KDR: variants seen among roughly 807,000 people sequenced by gnomAD.
The protein encoded by KDR is kinase insert domain receptor.
A neutral mutation model predicts 160.9 loss-of-function variants in KDR; 43 were observed. The observed-to-expected ratio is 0.27, with a 90% CI of 0.21 to 0.34. The LOEUF is 0.34. Ranked by LOEUF, KDR falls within the 10% of genes least tolerant of loss-of-function variation. KDR has a pLI of 1.00. For synonymous variants in KDR, 617 were observed against 600.1 expected, an observed-to-expected ratio of 1.03 and a Z score of -0.41; for missense variants, 1,469 against 1,666.4, an observed-to-expected ratio of 0.88 and a Z score of 2.06.
Position 55,117,413 on chromosome 4 carries a change from C to A in KDR, c.358+1191G>T, listed in dbSNP as rs973328843. On this transcript the variant is annotated intron_variant, in intron 3 of 29. Coordinates refer to ENST00000263923, the MANE Select transcript of KDR (RefSeq NM_002253.4). The stretch of plus-strand genomic sequence containing the variant: ...GCCAGGTCAAAAGGAGCCAGAAATT[C>A]TCCAAGATGTGAGCCTTGTCTCTTT... 6.6e-5 allele frequency among the ~76,000 whole-genome samples: 10 copies of A among 152,192 alleles called. No homozygotes were observed. In the East Asian group the frequency reaches 1.9e-3, roughly 29 times the overall value.
chr4:55,121,284 A>T lies in KDR; in HGVS notation c.68-94T>A. 4.8e-6 allele frequency: 4 copies of T among 831,484 alleles called. No individual in the cohort carries two copies. In the South Asian group the frequency reaches 5.6e-5, roughly 12 times the overall value. 51.5% of individuals were successfully genotyped at this position (831,484 alleles called of 1,614,324 possible). ...AACAATGCATACTCTATACTTTAAA[A>T]GGCCTCTTCAGCAATTCATTGTATA... On this transcript the variant is annotated intron_variant, in intron 1 of 29. Transcript: ENST00000263923.
chr4:55,090,849 C>CTTTTTTTT (rs61138010), intron 22 of KDR, among the ~76,000 whole-genome samples: 2 of 84,110 alleles, frequency 2.4e-5, no homozygotes, highest in Non-Finnish European at 4.4e-5. Context: ...TAGAAGAAAA[C>CTTTTTTTT]TTTTTTTTTT....
rs1415203176 is a variant in KDR, at chr4:55,098,173, T to C, written c.2473A>G (p.Ser825Gly). 3.1e-6 allele frequency: 5 copies of C among 1,614,002 alleles called. No individual in the cohort carries two copies. Among genetic ancestry groups the C allele is most frequent in the Non-Finnish European group, 4.2e-6 (5 of 1,179,904 alleles). The change falls in exon 17 of 30, where the codon AGC (serine) becomes GGC (glycine). Residue 825 changes from serine to glycine, a missense_variant. Around this residue, in one of 7 missense-constraint regions of KDR, gnomAD observed 118 missense variants for 110.8 expected, o/e 1.06. Coordinates refer to ENST00000263923, the MANE Select transcript of KDR (RefSeq NM_002253.4). ...CGGTCTCTGGGGAATTCCCATTTGC[T>C]GGCATCATAAGGCAGTCGTTCACAA... ...EHCERLPYDA[S>G]KWEFPRDRLK...
At position 55,104,962 on chromosome 4, in the gene KDR, T is replaced by C. The variant is rs1385893395; in HGVS notation, c.1668A>G (p.Gln556=). The C allele has an allele frequency of 6.2e-7, 1 of 1,613,672 alleles. No homozygotes were observed. The highest frequency in any genetic ancestry group is 1.1e-5 in the South Asian group (1 of 91,074). The change falls in exon 13 of 30, where the codon CAA becomes CAG. Residue 556 remains glutamine (Q), a synonymous_variant. Transcript: ENST00000263923. ...HVTRGPEITL[Q]PDMQPTEQES... is the part of the protein sequence containing the mutation. ...CCTGCTCAGTGGGCTGCATGTCAGGTTGCAAAGTAATTTCAGGACCCCCTA... is the reference window on the plus strand; with the variant it reads ...CCTGCTCAGTGGGCTGCATGTCAGGCTGCAAAGTAATTTCAGGACCCCCTA...
intron 18 of KDR, 132 bp downstream of exon 18, chr4:55,097,530 G>A (rs1720192712): frequency 1.5e-6 from 1 of 667,598 alleles, no homozygotes; most frequent in Non-Finnish European, 2.7e-6. Flanking sequence ...TTTGCACAAG[G>A]GCATTATTTA....
Position 55,079,745 on chromosome 4 carries a change from C to T in KDR, c.*196G>A. The stretch of plus-strand genomic sequence containing the variant: ...ATCAGGTCAACACTGGGAGAAGACA[C>T]AGACACATTCTTGGGTCACAAGCCT... On this transcript the variant is annotated 3_prime_UTR_variant, in exon 30 of 30. Coordinates refer to ENST00000263923, the MANE Select transcript of KDR (RefSeq NM_002253.4). 1.6e-6 allele frequency: 1 copy of T among 629,246 alleles called. No individual in the cohort carries two copies. The highest frequency in any genetic ancestry group is 2.8e-6 in the Non-Finnish European group (1 of 351,792). 39.0% of individuals were successfully genotyped at this position (629,246 alleles called of 1,614,324 possible).
intron 5 of KDR, among the ~76,000 whole-genome samples, 182 bp downstream of exon 5, chr4:55,114,692 A>G (rs1167606294): frequency 6.6e-6 from 1 of 152,152 alleles, no homozygotes; most frequent in Non-Finnish European, 1.5e-5. Context: ...TAATCTTGGC[A>G]AGAAAAGAGA....
At chr4:55,098,589 G>T (rs1560517075) in intron 16 of KDR, 108 bp downstream of exon 16, 3 of 836,588 alleles carry the variant, frequency 3.6e-6, no homozygotes, top group East Asian at 2.5e-5. Flanking sequence ...ATAAAAATGT[G>T]CCCATTGAGC....
intron 4 of KDR, 23 bp downstream of exon 4, chr4:55,115,258 C>A: frequency 6.3e-7 from 1 of 1,590,580 alleles, no homozygotes; most frequent in Non-Finnish European, 8.6e-7. Context: ...ACTTAAGAGA[C>A]GATTGGAGGA....
In KDR at chr4:55,097,692, A is replaced by C; in HGVS notation, c.2584T>G (p.Cys862Gly). The C allele has an allele frequency of 6.2e-7, 1 of 1,613,434 alleles. No homozygotes were observed. The highest frequency in any genetic ancestry group is 8.5e-7 in the Non-Finnish European group (1 of 1,179,602). The change falls in exon 18 of 30, where the codon TGC (cysteine) becomes GGC (glycine). Residue 862 changes from cysteine (C) to glycine (G), a missense_variant. Cys to Gly is a radical substitution (Grantham distance 159). Around this residue, in one of 7 missense-constraint regions of KDR, gnomAD observed 151 missense variants for 207.2 expected, o/e 0.73. Coordinates refer to ENST00000263923, the MANE Select transcript of KDR (RefSeq NM_002253.4). ...AACATTTTGACTGCTACTGTCCTGC[A>C]AGTTGCTGTCTTGTCAATTCCAAAG... ...DAFGIDKTAT[C>G]RTVAVKMLKE...
chr4:55,079,769 C>A lies in KDR; in HGVS notation c.*172G>T. 1 of 659,330 alleles carries A rather than the reference C, an allele frequency of 1.5e-6. No individual in the cohort carries two copies. Among genetic ancestry groups the A allele is most frequent in the Admixed American group, 2.3e-5 (1 of 44,382 alleles). The allele number at this position is 659,330 out of a possible 1,614,324, so 40.8% of individuals were successfully genotyped here. A position where few individuals can be genotyped will look rare whatever the true frequency, so the allele number is the denominator to read the frequency against. On this transcript the variant is annotated 3_prime_UTR_variant, in exon 30 of 30. Transcript: ENST00000263923. ...ACAGACACATTCTTGGGTCACAAGCCTCTTCCAGGATATGCCTAGAAGACT... is the reference window on the plus strand; with the variant it reads ...ACAGACACATTCTTGGGTCACAAGCATCTTCCAGGATATGCCTAGAAGACT...
chr4:55,110,803 ACTGT>A, intron 7 of KDR, 35 bp from the exon 8 acceptor site: 1 of 1,468,516 alleles, frequency 6.8e-7, no homozygotes, highest in Non-Finnish European at 9.5e-7. Flanking sequence ...AGGTCAACTT[ACTGT>A]AAATGGTCAT....
chr4:55,095,226 A>T (rs1248641577), intron 20 of KDR, among the ~76,000 whole-genome samples: 1 of 152,124 alleles, frequency 6.6e-6, no homozygotes, highest in Non-Finnish European at 1.5e-5. Flanking sequence ...CACTTTCAGC[A>T]TTAGGATGCT....
At chr4:55,082,452 C>T in intron 28 of KDR, 84 bp downstream of exon 28, 1 of 1,098,816 alleles carries the variant, frequency 9.1e-7, no homozygotes, top group Non-Finnish European at 1.4e-6. Flanking sequence ...GGCTCCAAAA[C>T]TTTAATGCTT....
rs762019433 is a variant in KDR at position 55,104,981 on chromosome 4, C to T, written c.1649G>A (p.Gly550Asp). The T allele has an allele frequency of 1.2e-6, 2 of 1,612,630 alleles. No individual in the cohort carries two copies. The highest frequency in any genetic ancestry group is 2.2e-5 in the South Asian group (2 of 91,046). Residue 550 changes from glycine (G) to aspartate (D), a missense_variant, in exon 13 of 30, where the codon GGT (glycine) becomes GAT (aspartate). Transcript: ENST00000263923. ...GTCAGGTTGCAAAGTAATTTCAGGA[C>T]CCCCTAAAATGAAGAGGCCATAGTT... ...ERVISFHVTRGPEITLQPDMQ... is the reference protein window; with the variant it reads ...ERVISFHVTRDPEITLQPDMQ...
rs1719748017 is a variant in KDR at position 55,082,032 on chromosome 4, T to C, written c.3772A>G (p.Thr1258Ala). The C allele has an allele frequency of 6.2e-7, 1 of 1,613,014 alleles. No individual in the cohort carries two copies. The highest frequency in any genetic ancestry group is 1.3e-5 in the African/African-American group (1 of 74,908). Residue 1258 changes from threonine (T) to alanine (A), a missense_variant, in exon 29 of 30, where the codon ACG becomes GCG. Physicochemically the swap from Thr to Ala is moderately conservative, Grantham distance 58. Coordinates refer to ENST00000263923, the MANE Select transcript of KDR (RefSeq NM_002253.4). ...EVKVIPDDNQ[T>A]DSGMVLASEE... ...GAGGCAAGAACCATACCACTGTCCGTCTGGTTGTCCTTTTTAAGAGACAAT... is the reference window on the plus strand; with the variant it reads ...GAGGCAAGAACCATACCACTGTCCGCCTGGTTGTCCTTTTTAAGAGACAAT...
chr4:55,105,819 G>A lies in KDR; in HGVS notation c.1645+13C>T, dbSNP rs769766624. On this transcript the variant is annotated intron_variant, in intron 12 of 29. Transcript: ENST00000263923. ...GAGTGATCCAACCCAAACCTCCAGA[G>A]AAGAGTACTTACTGGTCACGTGGAA... is the stretch of plus-strand genomic sequence containing the variant. 2.0e-6 allele frequency: 3 copies of A among 1,504,806 alleles called. No homozygotes were observed. The highest frequency in any genetic ancestry group is 2.8e-6 in the Non-Finnish European group (3 of 1,080,266). The allele number at this position is 1,504,806 out of a possible 1,614,324, so 93.2% of individuals were successfully genotyped here. A position where few individuals can be genotyped will look rare whatever the true frequency, so the allele number is the denominator to read the frequency against.
chr4:55,095,417 C>G (rs1362053943), intron 20 of KDR, among the ~76,000 whole-genome samples, 160 bp downstream of exon 20: 2 of 152,044 alleles, frequency 1.3e-5, no homozygotes, highest in Non-Finnish European at 2.9e-5. Context: ...AAACATATGG[C>G]CCCCAGAAGG....
In KDR at chr4:55,097,779, A is replaced by G. The variant is rs773761129; in HGVS notation, c.2510-13T>C. On this transcript the variant is annotated splice_polypyrimidine_tract_variant and intron_variant, in intron 17 of 29. Coordinates refer to ENST00000263923, the MANE Select transcript of KDR (RefSeq NM_002253.4). ...CCAAGAGGCTTACCTAGAGTCAACA[A>G]CAACAGCAACAAGAAAACAGACTTG... 6.4e-7 allele frequency: 1 copy of G among 1,564,234 alleles called. No homozygotes were observed. Among genetic ancestry groups the G allele is most frequent in the South Asian group, 1.1e-5 (1 of 89,958 alleles).
Sources: gnomAD v4.1 joint callset for allele counts (sites outside exome capture counted in the v4.1 genomes callset) on GRCh38, gnomAD v4.1.1 for gene constraint, gnomAD v4.1.1 regional missense constraint, MANE v1.5 for transcripts, NCBI Gene and HGNC (gene_info 2026-07-23, HGNC 2026-07-21) for gene names.